The following DLGAP2 variants were observed in gnomAD, a reference collection of about 807,000 sequenced individuals.
The protein encoded by DLGAP2 is disks large-associated protein 2.
Under a neutral mutation model 100.3 loss-of-function variants are expected in DLGAP2, and 26 were observed. The ratio of observed to expected loss-of-function variants is 0.26; its 90% CI spans 0.19 to 0.36. The LOEUF is 0.36. DLGAP2 is among the 10% of genes least tolerant of loss of function. The pLI is 1.00. For synonymous variants in DLGAP2, 886 were observed against 630.1 expected (o/e 1.41, Z -6.08); for missense variants, 1,858 against 1,453.2 (o/e 1.28, Z -4.53).
At chr8:1,497,504 C>T (rs1799582694) in intron 3 of DLGAP2, among the ~76,000 whole-genome samples, 1 of 152,202 alleles carries the variant, frequency 6.6e-6, no homozygotes, top group African/African-American at 2.4e-5. Flanking sequence ...GCAAATGGTT[C>T]TCCTCCCTTA....
Position 1,229,427 on chromosome 8 carries a change from G to C in DLGAP2, c.74-29424G>C, listed in dbSNP as rs182869086. On this transcript the variant is annotated intron_variant, in intron 2 of 14. Transcript: ENST00000637795. Reference sequence around the variant, plus strand: ...CTTGATAATGATCTGTTTAGGGTTTGTATTTCTTGCTGATTCAATCTGGCA... The same window carrying C: ...CTTGATAATGATCTGTTTAGGGTTTCTATTTCTTGCTGATTCAATCTGGCA... Among the ~76,000 whole-genome samples, 254 of 152,202 alleles carry C rather than the reference G, an allele frequency of 1.7e-3. 1 individual carries two copies. The highest frequency in any genetic ancestry group is 2.3e-3 in the Non-Finnish European group (154 of 67,990).
intron 3 of DLGAP2, among the ~76,000 whole-genome samples, chr8:1,446,771 G>C (rs1487885248): frequency 1.3e-5 from 2 of 152,126 alleles, no homozygotes; most frequent in East Asian, 3.9e-4. Flanking sequence ...ATTTCATTGA[G>C]CAGTGGTTTT....
intron 1 of DLGAP2, among the ~76,000 whole-genome samples, chr8:799,599 G>A (rs547629065): frequency 6.6e-6 from 1 of 152,262 alleles, no homozygotes; most frequent in South Asian, 2.1e-4. Context: ...CAGCTGATAT[G>A]AACTGTGAAC....
chr8:885,059 G>A lies in DLGAP2; in HGVS notation c.19-22853G>A, dbSNP rs550652501. Among the ~76,000 whole-genome samples the A allele has an allele frequency of 1.3e-4, 20 of 152,288 alleles. No individual in the cohort carries two copies. The East Asian group carries it at 3.9e-3, about 29-fold the overall frequency. ...GCCTTGTAGTATAGTTTGATGTCAG[G>A]TAGCATGATGCCACCAGCTTTCTTC... On this transcript the variant is annotated intron_variant, in intron 1 of 14. Transcript: ENST00000637795.
chr8:1,182,430 C>T (rs144028560), intron 2 of DLGAP2, among the ~76,000 whole-genome samples: 1 of 152,196 alleles, frequency 6.6e-6, no homozygotes, highest in Non-Finnish European at 1.5e-5. Flanking sequence ...ATTTAATGCT[C>T]ACACGTGTGA....
chr8:1,234,990 CGTGTCTAGTTCTCTCACACATAGCGTT>C (rs999892477), intron 2 of DLGAP2, among the ~76,000 whole-genome samples: 9 of 9,008 alleles, frequency 1.0e-3, no homozygotes, highest in South Asian at 3.6e-3. Flanking sequence ...CGCATAGCAT[CGTGTCTAGTTCTCTCACACATAGCGTT>C]GTGTCTAATT....
intron 2 of DLGAP2, among the ~76,000 whole-genome samples, chr8:1,066,786 A>G (rs1228130240): frequency 2.0e-5 from 3 of 152,228 alleles, no homozygotes; most frequent in Admixed American, 6.5e-5. Context: ...TCTGGATGGC[A>G]AAGCTGTGCT....
chr8:1,276,492 A>C (rs1424991251), intron 3 of DLGAP2, among the ~76,000 whole-genome samples: 1 of 152,102 alleles, frequency 6.6e-6, no homozygotes, highest in Non-Finnish European at 1.5e-5. Context: ...CGGCATCTTC[A>C]CTTTGCTTGC....
At chr8:1,253,516 A>C (rs1002104941) in intron 2 of DLGAP2, among the ~76,000 whole-genome samples, 3 of 152,272 alleles carry the variant, frequency 2.0e-5, no homozygotes, top group Non-Finnish European at 2.9e-5. Flanking sequence ...ATGCTCTATG[A>C]ATTTACACAG....
chr8:1,295,272 G>T (rs1340522711), intron 3 of DLGAP2, among the ~76,000 whole-genome samples: 1 of 152,136 alleles, frequency 6.6e-6, no homozygotes, highest in East Asian at 1.9e-4. Flanking sequence ...TCTTTCCATG[G>T]GATAGATACA....
chr8:1,537,246 C>T (rs868342354), intron 4 of DLGAP2, among the ~76,000 whole-genome samples: 17 of 152,080 alleles, frequency 1.1e-4, no homozygotes, highest in Admixed American at 3.3e-4. Flanking sequence ...TTTGCGTGTG[C>T]GTGCAAGTTT....
chr8:1,614,052 T>C (rs895545174), intron 6 of DLGAP2, among the ~76,000 whole-genome samples: 3 of 152,104 alleles, frequency 2.0e-5, no homozygotes, highest in Non-Finnish European at 4.4e-5. Context: ...TCAGGAGGCC[T>C]TTGGAAGAGC....
intron 3 of DLGAP2, among the ~76,000 whole-genome samples, chr8:1,488,504 C>T (rs1454875999): frequency 1.3e-5 from 2 of 152,196 alleles, no homozygotes; most frequent in Admixed American, 6.5e-5. Context: ...CACGTTTCAT[C>T]TTCCCTTTAT....
rs1554467359 is a variant in DLGAP2, at chr8:1,430,011, T to TATATATATATATAC, written c.107-71342_107-71341insCATATATATATATA. 5.3e-4 allele frequency among the ~76,000 whole-genome samples: 34 copies of TATATATATATATAC among 63,942 alleles called. 4 individuals carry two copies. The highest frequency in any genetic ancestry group is 1.0e-3 in the African/African-American group (19 of 18,104). 41.9% of individuals were successfully genotyped at this position (63,942 alleles called of 152,430 possible). A position where few individuals can be genotyped will look rare whatever the true frequency, so the allele number is the denominator to read the frequency against. ...GGGGAGAGATGCATATATATACATA[T>TATATATATATATAC]ATATATATATATATATACACACACA... On this transcript the variant is annotated intron_variant, in intron 3 of 14. Transcript: ENST00000637795.
At chr8:1,480,036 A>G (rs568736770) in intron 3 of DLGAP2, among the ~76,000 whole-genome samples, 3 of 152,330 alleles carry the variant, frequency 2.0e-5, no homozygotes, top group African/African-American at 7.2e-5. Context: ...AGGTGCAATT[A>G]GTATCTCTCT....
At chr8:989,926 A>C (rs190871549) in intron 2 of DLGAP2, among the ~76,000 whole-genome samples, 1 of 152,090 alleles carries the variant, frequency 6.6e-6, no homozygotes, top group East Asian at 1.9e-4. Context: ...TGTAATTTGC[A>C]TGCAGTGAAA....
intron 2 of DLGAP2, among the ~76,000 whole-genome samples, chr8:1,187,930 T>C (rs377416190): frequency 3.5e-3 from 186 of 52,774 alleles, no homozygotes; most frequent in Middle Eastern, 0.016. Context: ...CACGGAATCT[T>C]GCACGCCCGG....
intron 14 of DLGAP2, among the ~76,000 whole-genome samples, chr8:1,699,447 T>C (rs1452939101): frequency 8.0e-6 from 1 of 125,134 alleles, no homozygotes; most frequent in East Asian, 2.2e-4. Flanking sequence ...CTATTAAAAA[T>C]ACAAAAAAAA....
intron 2 of DLGAP2, among the ~76,000 whole-genome samples, chr8:1,187,800 G>A (rs2116719422): frequency 7.7e-6 from 1 of 129,980 alleles, no homozygotes; most frequent in Non-Finnish European, 1.5e-5. Context: ...TTTGCCTCAT[G>A]GAATCTCACA....
Sources: gnomAD v4.1 joint callset for allele counts (sites outside exome capture counted in the v4.1 genomes callset) on GRCh38, gnomAD v4.1.1 for gene constraint, MANE v1.5 for transcripts, NCBI Gene and HGNC (gene_info 2026-07-23, HGNC 2026-07-21) for gene names.